Variants in CHSY3 observed in about 807,000 individuals in gnomAD.
The protein encoded by CHSY3 is chondroitin sulfate synthase 3, also known as N-acetylgalactosaminyl-proteoglycan 3-beta-glucuronosyltransferase 3.
A neutral mutation model predicts 67.2 loss-of-function variants in CHSY3; 35 were observed. That is an observed-to-expected ratio of 0.52 (90% CI 0.40 to 0.69). The LOEUF is 0.69. Among genes scored for constraint, CHSY3 ranks in the 30% least tolerant of loss-of-function variants. The probability of loss-of-function intolerance (pLI) is 0.00; values close to 1 mark genes in which losing one functional copy is unlikely to be tolerated. For missense variants in CHSY3, 1,069 were observed against 1,138.5 expected, an observed-to-expected ratio of 0.94 and a Z score of 0.88; for synonymous variants, 474 against 434.7, an observed-to-expected ratio of 1.09 and a Z score of -1.12.
chr5:130,092,070 G>T (rs1422028745), intron 2 of CHSY3, among the ~76,000 whole-genome samples: 1 of 152,106 alleles, frequency 6.6e-6, no homozygotes, highest in Admixed American at 6.5e-5. Flanking sequence ...GAGGTCAGTT[G>T]CTGAGCCCTC....
intron 2 of CHSY3, among the ~76,000 whole-genome samples, chr5:130,071,937 C>T (rs1396420995): frequency 6.6e-6 from 1 of 151,834 alleles, no homozygotes; most frequent in East Asian, 1.9e-4. Flanking sequence ...TTTACATTTC[C>T]TTGATAATTA....
chr5:130,169,564 A>G (rs1293901173), intron 2 of CHSY3, among the ~76,000 whole-genome samples: 1 of 152,088 alleles, frequency 6.6e-6, no homozygotes, highest in Non-Finnish European at 1.5e-5. Context: ...TCCTAACTTT[A>G]TCTGACCCAT....
At chr5:130,012,062 C>T (rs1764079114) in intron 2 of CHSY3, among the ~76,000 whole-genome samples, 1 of 152,322 alleles carries the variant, frequency 6.6e-6, no homozygotes, top group Non-Finnish European at 1.5e-5. Context: ...TTTGTACCAA[C>T]TACCCATGAC....
intron 2 of CHSY3, among the ~76,000 whole-genome samples, chr5:130,097,418 T>C (rs1049323664): frequency 2.6e-5 from 4 of 152,168 alleles, no homozygotes; most frequent in African/African-American, 9.7e-5. Flanking sequence ...ATGGCTTGTA[T>C]TTCTACTCTT....
chr5:130,061,097 T>G, intron 2 of CHSY3, among the ~76,000 whole-genome samples: 1 of 152,082 alleles, frequency 6.6e-6, no homozygotes, highest in Non-Finnish European at 1.5e-5. Context: ...AGACCCTGAA[T>G]AGCCAAAGCA....
chr5:130,147,892 G>C (rs1769118200), intron 2 of CHSY3, among the ~76,000 whole-genome samples: 2 of 152,136 alleles, frequency 1.3e-5, no homozygotes, highest in African/African-American at 4.8e-5. Flanking sequence ...AACATGTGCA[G>C]GTTTGTTACA....
At chr5:130,183,941 C>T (rs1770329000) in intron 2 of CHSY3, among the ~76,000 whole-genome samples, 1 of 149,088 alleles carries the variant, frequency 6.7e-6, no homozygotes, top group African/African-American at 2.5e-5. Context: ...ATGAATACAT[C>T]AATTAGCTAG....
chr5:130,069,251 G>C (rs1765983386), intron 2 of CHSY3, among the ~76,000 whole-genome samples: 1 of 151,990 alleles, frequency 6.6e-6, no homozygotes, highest in South Asian at 2.1e-4. Flanking sequence ...GAAGCTATAA[G>C]ACTATGTAAA....
At chr5:129,989,786 G>A (rs572207184) in intron 2 of CHSY3, among the ~76,000 whole-genome samples, 2 of 152,270 alleles carry the variant, frequency 1.3e-5, no homozygotes, top group Admixed American at 1.3e-4. Context: ...ATGCTTCATA[G>A]TATTAATATT....
intron 2 of CHSY3, among the ~76,000 whole-genome samples, chr5:130,075,513 CAA>C (rs552964859): frequency 5.0e-4 from 76 of 152,188 alleles, no homozygotes; most frequent in African/African-American, 1.8e-3. Flanking sequence ...CCCATTCATT[CAA>C]ACTCTTATTT....
chr5:129,931,973 C>T (rs1761323308), intron 2 of CHSY3, among the ~76,000 whole-genome samples: 1 of 151,778 alleles, frequency 6.6e-6, no homozygotes, highest in African/African-American at 2.4e-5. Context: ...CTAATCTACT[C>T]TGCTAGTTAG....
chr5:130,067,771 T>C (rs925238422), intron 2 of CHSY3, among the ~76,000 whole-genome samples: 3 of 152,140 alleles, frequency 2.0e-5, no homozygotes, highest in Non-Finnish European at 4.4e-5. Context: ...TATATCTGCT[T>C]TTGTGTTTAC....
intron 2 of CHSY3, among the ~76,000 whole-genome samples, chr5:129,964,934 A>T (rs774588053): frequency 2.0e-5 from 3 of 151,948 alleles, no homozygotes; most frequent in Non-Finnish European, 4.4e-5. Context: ...AAATACCAGT[A>T]CATTATTTGA....
chr5:129,914,681 A>G (rs960439464), intron 2 of CHSY3, among the ~76,000 whole-genome samples: 5 of 152,108 alleles, frequency 3.3e-5, no homozygotes, highest in African/African-American at 1.2e-4. Flanking sequence ...TTTCTTCCAC[A>G]CTGTTTTCTT....
intron 2 of CHSY3, among the ~76,000 whole-genome samples, chr5:130,135,201 T>C (rs1222743692): frequency 6.6e-6 from 1 of 151,970 alleles, no homozygotes; most frequent in Non-Finnish European, 1.5e-5. Context: ...CATACATACA[T>C]ATATGTATAC....
rs186247829 is a variant in CHSY3, at chr5:130,183,608, G to T, written c.1087-621G>T. Among the ~76,000 whole-genome samples, 282 of 152,138 alleles carry T rather than the reference G, an allele frequency of 1.9e-3. 2 individuals are homozygous for T. The highest frequency in any genetic ancestry group is 6.5e-3 in the African/African-American group (270 of 41,506). On this transcript the variant is annotated intron_variant, in intron 2 of 2. Transcript: ENST00000305031. Reference sequence around the variant, plus strand: ...TATGGGGTTATGGACACAGTCAATTGTTGTTTTATGTATAGCTAGAGGTTC... The same window carrying T: ...TATGGGGTTATGGACACAGTCAATTTTTGTTTTATGTATAGCTAGAGGTTC...
intron 2 of CHSY3, among the ~76,000 whole-genome samples, chr5:130,030,367 C>A (rs1764672054): frequency 6.6e-6 from 1 of 152,036 alleles, no homozygotes; most frequent in African/African-American, 2.4e-5. Context: ...AGATGATACA[C>A]AAAATCCTGA....
chr5:130,093,497 A>G (rs1256909542), intron 2 of CHSY3, among the ~76,000 whole-genome samples: 2 of 152,204 alleles, frequency 1.3e-5, no homozygotes, highest in Non-Finnish European at 2.9e-5. Flanking sequence ...CACAAATACT[A>G]CTAATAATGA....
At chr5:130,061,059 A>C (rs1458417505) in intron 2 of CHSY3, among the ~76,000 whole-genome samples, 3 of 152,034 alleles carry the variant, frequency 2.0e-5, no homozygotes, top group Non-Finnish European at 2.9e-5. Flanking sequence ...AGTATAAAAA[A>C]CTCCTAAAGT....
Sources: gnomAD v4.1 joint callset for allele counts (sites outside exome capture counted in the v4.1 genomes callset) on GRCh38, gnomAD v4.1.1 for gene constraint, MANE v1.5 for transcripts, NCBI Gene and HGNC (gene_info 2026-07-23, HGNC 2026-07-21) for gene names.